The following XPO5 variants were observed in gnomAD, a reference collection of about 807,000 sequenced individuals.
XPO5 encodes exportin-5.
Under a neutral mutation model 160.6 loss-of-function variants are expected in XPO5, and 46 were observed. The observed-to-expected ratio is 0.29, with a 90% confidence interval of 0.23 to 0.37. The LOEUF is 0.37. Among genes scored for constraint, XPO5 ranks in the 10% least tolerant of loss-of-function variants. The pLI is 1.00. For synonymous variants in XPO5, 537 were observed against 519.3 expected (o/e 1.03, Z -0.46); for missense variants, 1,090 against 1,463.9 (o/e 0.74, Z 4.17).
chr6:43,562,071 C>G, intron 9 of XPO5, 176 bp downstream of exon 9: 1 of 453,436 alleles, frequency 2.2e-6, no homozygotes, highest in East Asian at 3.4e-5. Flanking sequence ...AAATTTAGAT[C>G]ACTCAAACAC....
intron 20 of XPO5, among the ~76,000 whole-genome samples, chr6:43,543,585 T>C (rs958504432): frequency 7.3e-5 from 11 of 151,650 alleles, no homozygotes; most frequent in Middle Eastern, 3.2e-3. Flanking sequence ...TACATGAATG[T>C]GTCCACTTTG....
chr6:43,546,641 T>G lies in XPO5; in HGVS notation c.2272A>C (p.Asn758His). The change falls in exon 20 of 32, where the codon AAT (asparagine) becomes CAT (histidine). Residue 758 changes from asparagine to histidine, a missense_variant. Physicochemically the swap from Asn to His is moderately conservative, Grantham distance 68. Coordinates refer to ENST00000265351, the MANE Select transcript of XPO5 (RefSeq NM_020750.3). The part of the protein sequence containing the change: ...GFVVGYTSSG[N>H]PIFRNPCTEQ... ...GTGCAGGGGTTACGGAAGATTGGAT[T>G]TCCACTGGATGTATAACCCACCACA... 6.2e-7 allele frequency: 1 copy of G among 1,613,970 alleles called. No homozygotes were observed.
chr6:43,530,579 C>A, intron 23 of XPO5, 109 bp downstream of exon 23: 1 of 1,318,570 alleles, frequency 7.6e-7, no homozygotes. Flanking sequence ...TACATAATCT[C>A]ATCTCTTCCT....
intron 14 of XPO5, among the ~76,000 whole-genome samples, chr6:43,552,677 T>C (rs1487539065): frequency 1.3e-5 from 2 of 152,216 alleles, no homozygotes; most frequent in East Asian, 3.8e-4. Context: ...GGTTCTCCTC[T>C]ATACATTATT....
At chr6:43,553,324 GA>G (rs1795343124) in intron 14 of XPO5, 48 bp downstream of exon 14, 2 of 1,568,468 alleles carry the variant, frequency 1.3e-6, no homozygotes, top group Admixed American at 3.8e-5. Context: ...GAAAAGAAAA[GA>G]AAAAGGTCAA....
chr6:43,547,682 T>C lies in XPO5; in HGVS notation c.2086A>G (p.Ile696Val), dbSNP rs767238351. Residue 696 changes from isoleucine to valine, a missense_variant, in exon 19 of 32, where the codon ATT becomes GTT. Physicochemically the swap from Ile to Val is conservative, Grantham distance 29. Around this residue, in one of 3 missense-constraint regions of XPO5, gnomAD observed 810 missense variants for 1,139.0 expected, o/e 0.71. Transcript: ENST00000265351. The stretch of plus-strand genomic sequence containing the variant: ...TTCTGATCTGTACCCACATACGCAA[T>C]GAAAGCATCAACATCTGACAGCACT... ...HRVLSDVDAFIAYVGTDQKSC... is the reference protein window; with the variant it reads ...HRVLSDVDAFVAYVGTDQKSC... 5 of 1,613,912 alleles carry C rather than the reference T, an allele frequency of 3.1e-6. No individual in the cohort carries two copies. The highest frequency in any genetic ancestry group is 4.2e-6 in the Non-Finnish European group (5 of 1,179,880).
intron 28 of XPO5, chr6:43,525,444 C>G (rs967058931): frequency 3.7e-6 from 2 of 535,212 alleles, no homozygotes; most frequent in South Asian, 2.7e-5. Context: ...GGCTTAGGAG[C>G]TGGAGTTTTA....
chr6:43,575,942 A>G lies in XPO5; in HGVS notation c.-78T>C, dbSNP rs1582255870. The G allele has an allele frequency of 7.1e-7, 1 of 1,415,956 alleles. No individual in the cohort carries two copies. The highest frequency in any genetic ancestry group is 1.2e-5 in the South Asian group (1 of 83,048). 87.7% of individuals were successfully genotyped at this position (1,415,956 alleles called of 1,614,324 possible). On this transcript the variant is annotated 5_prime_UTR_variant, in exon 1 of 32. Transcript: ENST00000265351. ...GCACGACAGCTCCCTCGGCGAGACC[A>G]CCCGTTGGTACCGGGCCGCGGCGGG...
At position 43,523,061 on chromosome 6, in the gene XPO5, T is replaced by C. The variant is rs1408678498; in HGVS notation, c.*807A>G. 6.1e-6 allele frequency: 1 copy of C among 162,784 alleles called. No individual in the cohort carries two copies. The highest frequency in any genetic ancestry group is 1.4e-5 in the Non-Finnish European group (1 of 73,716). 10.1% of individuals were successfully genotyped at this position (162,784 alleles called of 1,614,324 possible). A position where few individuals can be genotyped will look rare whatever the true frequency, so the allele number is the denominator to read the frequency against. ...TAGCCTAGTTGGTCTGTATTATCCT[T>C]GGATGACAACGGTGTCATGTGACAC... On this transcript the variant is annotated 3_prime_UTR_variant, in exon 32 of 32. Transcript: ENST00000265351.
intron 15 of XPO5, 103 bp from the exon 16 acceptor site, chr6:43,550,037 T>A: frequency 8.1e-7 from 1 of 1,239,630 alleles, no homozygotes; most frequent in Non-Finnish European, 1.2e-6. Context: ...CTCAACTGAT[T>A]CTCCTGCTTT....
rs1352048277 is a variant in XPO5, at chr6:43,570,386, G to A, written c.621+116C>T. The A allele has an allele frequency of 4.5e-5, 35 of 782,148 alleles. 2 individuals carry two copies. In the South Asian group the frequency reaches 1.4e-3, roughly 32 times the overall value. The allele number at this position is 782,148 out of a possible 1,614,324, so 48.5% of individuals were successfully genotyped here. ...TCATTTCCTAGTTTTTTATTTTTTTGCTTATAAAATAGGATTTCATTTTGC... is the reference window on the plus strand; with the variant it reads ...TCATTTCCTAGTTTTTTATTTTTTTACTTATAAAATAGGATTTCATTTTGC... On this transcript the variant is annotated intron_variant, in intron 5 of 31. Transcript: ENST00000265351.
intron 10 of XPO5, 35 bp from the exon 11 acceptor site, chr6:43,560,338 T>G: frequency 6.4e-7 from 1 of 1,564,440 alleles, no homozygotes; most frequent in Non-Finnish European, 8.6e-7. Flanking sequence ...GTCAAAGGAT[T>G]TGGATTCTAT....
At chr6:43,559,680 G>A (rs1762302661) in intron 11 of XPO5, among the ~76,000 whole-genome samples, 1 of 152,094 alleles carries the variant, frequency 6.6e-6, no homozygotes, top group South Asian at 2.1e-4. Context: ...CAATACTTAT[G>A]ATATATTAAG....
At chr6:43,567,003 T>A (rs1762729985) in intron 7 of XPO5, among the ~76,000 whole-genome samples, 166 bp downstream of exon 7, 1 of 152,066 alleles carries the variant, frequency 6.6e-6, no homozygotes, top group Admixed American at 6.6e-5. Flanking sequence ...AAGGATCCCT[T>A]GAATATTGGC....
chr6:43,553,364 A>C lies in XPO5; in HGVS notation c.1572+9T>G, dbSNP rs1561878316. ...AATCATGCAGTCAGCATGGGAAATA[A>C]TTACTTACTTCTCTATTTAGTGTTC... On this transcript the variant is annotated intron_variant, in intron 14 of 31. Coordinates refer to ENST00000265351, the MANE Select transcript of XPO5 (RefSeq NM_020750.3). 6.2e-7 allele frequency: 1 copy of C among 1,604,390 alleles called. No homozygotes were observed.
intron 7 of XPO5, among the ~76,000 whole-genome samples, chr6:43,566,828 A>AAAT (rs1762722787): frequency 6.6e-6 from 1 of 151,636 alleles, no homozygotes; most frequent in Non-Finnish European, 1.5e-5. Flanking sequence ...AAAAAAAAAA[A>AAAT]AAAAAGACAG....
chr6:43,569,342 A>G (rs1762871036), intron 5 of XPO5, among the ~76,000 whole-genome samples: 1 of 152,110 alleles, frequency 6.6e-6, no homozygotes, highest in Non-Finnish European at 1.5e-5. Flanking sequence ...GATGTTAAAT[A>G]CATCAGAATA....
At chr6:43,535,286 C>CA (rs1242878321) in intron 20 of XPO5, among the ~76,000 whole-genome samples, 2 of 151,386 alleles carry the variant, frequency 1.3e-5, no homozygotes, top group East Asian at 2.0e-4. Context: ...AACAAAACCC[C>CA]AAAAAACAGA....
At chr6:43,571,141 T>C (rs1227243696) in intron 3 of XPO5, 147 bp from the exon 4 acceptor site, 1 of 819,730 alleles carries the variant, frequency 1.2e-6, no homozygotes. Context: ...TCAGCCTGAG[T>C]CACTTGTCCT....
Sources: gnomAD v4.1 joint callset for allele counts (sites outside exome capture counted in the v4.1 genomes callset) on GRCh38, gnomAD v4.1.1 for gene constraint, gnomAD v4.1.1 regional missense constraint, MANE v1.5 for transcripts, NCBI Gene and HGNC (gene_info 2026-07-23, HGNC 2026-07-21) for gene names.